XKR9: variants seen among roughly 807,000 people sequenced by gnomAD.
XKR9 encodes the protein XK-related protein 9.
Under a neutral mutation model 32.0 loss-of-function variants are expected in XKR9, and 32 were observed. The ratio of observed to expected loss-of-function variants is 1.00; its 90% CI spans 0.76 to 1.34. The LOEUF is 1.34. Ranked by LOEUF, XKR9 falls within the 40% of genes most tolerant of loss-of-function variation. The pLI is 0.00. For synonymous variants in XKR9, 168 were observed against 143.4 expected (o/e 1.17, Z -1.22); for missense variants, 546 against 429.7 (o/e 1.27, Z -2.39).
chr8:71,059,981 C>T, the XKR9 span, among the ~76,000 whole-genome samples: 1 of 152,248 alleles, frequency 6.6e-6, no homozygotes, highest in East Asian at 1.9e-4. Flanking sequence ...CAGTTCTTGC[C>T]TCCTCTGTGC....
the XKR9 span, among the ~76,000 whole-genome samples, chr8:70,930,452 C>A: frequency 6.6e-6 from 1 of 151,994 alleles, no homozygotes; most frequent in African/African-American, 2.4e-5. Context: ...CCACTCCATG[C>A]CTTAGCATAT....
chr8:70,748,619 G>A (rs934275076), intron 2 of XKR9, among the ~76,000 whole-genome samples: 8 of 152,198 alleles, frequency 5.3e-5, no homozygotes, highest in Non-Finnish European at 8.8e-5. Context: ...GAGCCTGGGC[G>A]CTGTGGATGG....
chr8:70,866,553 A>G, the XKR9 span, among the ~76,000 whole-genome samples: 4 of 152,198 alleles, frequency 2.6e-5, no homozygotes, highest in Admixed American at 6.5e-5. Flanking sequence ...AGATTAGTTC[A>G]GAGATTGGTA....
At chr8:70,672,304 A>G (rs543647938) in intron 1 of XKR9, among the ~76,000 whole-genome samples, 1 of 65,536 alleles carries the variant, frequency 1.5e-5, no homozygotes, top group African/African-American at 4.1e-5. Context: ...GCATCACACT[A>G]CCTGACTTCA....
the XKR9 span, among the ~76,000 whole-genome samples, chr8:70,974,204 C>T: frequency 1.6e-4 from 24 of 150,528 alleles, no homozygotes; most frequent in South Asian, 3.8e-3. Context: ...GGCTTTTTAT[C>T]ATTATATAGT....
At chr8:70,996,112 C>A in the XKR9 span, among the ~76,000 whole-genome samples, 2 of 152,286 alleles carry the variant, frequency 1.3e-5, no homozygotes, top group Non-Finnish European at 2.9e-5. Context: ...ATTAGACTAA[C>A]AAAAGACTAA....
At chr8:70,702,061 C>G (rs2132164481) in intron 3 of XKR9, among the ~76,000 whole-genome samples, 1 of 152,240 alleles carries the variant, frequency 6.6e-6, no homozygotes, top group African/African-American at 2.4e-5. Context: ...CCCACAGATT[C>G]TTAGGCCCTT....
chr8:70,692,583 T>A (rs904960711), intron 3 of XKR9, among the ~76,000 whole-genome samples: 2 of 121,562 alleles, frequency 1.6e-5, no homozygotes, highest in African/African-American at 5.3e-5. Flanking sequence ...ATTATTATTA[T>A]TCTTATTTTT....
chr8:70,846,936 A>G, the XKR9 span, among the ~76,000 whole-genome samples: 9 of 152,070 alleles, frequency 5.9e-5, no homozygotes, highest in African/African-American at 1.9e-4. Flanking sequence ...TCATCTAGAC[A>G]GAAAATCAAC....
At chr8:71,045,946 G>A in the XKR9 span, among the ~76,000 whole-genome samples, 2 of 152,050 alleles carry the variant, frequency 1.3e-5, no homozygotes, top group African/African-American at 2.4e-5. Flanking sequence ...GAGATGGATT[G>A]GGAGTTCACT....
chr8:70,907,435 C>A, the XKR9 span, among the ~76,000 whole-genome samples: 1 of 152,202 alleles, frequency 6.6e-6, no homozygotes, highest in East Asian at 1.9e-4. Context: ...GAAACTACAC[C>A]CATTGCTATG....
chr8:70,814,526 G>A, the XKR9 span, among the ~76,000 whole-genome samples: 1 of 151,154 alleles, frequency 6.6e-6, no homozygotes. Flanking sequence ...AATAGACGTC[G>A]AAGAAACATT....
chr8:70,746,389 A>G (rs1419011941), intron 2 of XKR9, among the ~76,000 whole-genome samples: 1 of 147,582 alleles, frequency 6.8e-6, no homozygotes, highest in East Asian at 1.9e-4. Flanking sequence ...AAATATAATT[A>G]TATACAAAAC....
the XKR9 span, among the ~76,000 whole-genome samples, chr8:70,923,443 ACTCTGGAT>A: frequency 6.6e-6 from 1 of 152,116 alleles, no homozygotes; most frequent in South Asian, 2.1e-4. Context: ...CCTTGATGTT[ACTCTGGAT>A]CCCTGTCTCA....
the XKR9 span, among the ~76,000 whole-genome samples, chr8:70,874,274 G>T: frequency 2.0e-5 from 3 of 152,032 alleles, no homozygotes; most frequent in African/African-American, 2.4e-5. Flanking sequence ...ATATACATCA[G>T]TAAATAACGT....
At chr8:70,740,256 G>C (rs188080562), downstream of XKR9, among the ~76,000 whole-genome samples, 638 of 152,036 alleles carry the variant, frequency 4.2e-3, 4 homozygotes, top group African/African-American at 0.015. Context: ...CCAGTTGATC[G>C]CATTGGCTCC....
chr8:70,995,739 T>C, the XKR9 span, among the ~76,000 whole-genome samples: 1 of 152,192 alleles, frequency 6.6e-6, no homozygotes, highest in South Asian at 2.1e-4. Context: ...TGGCCTCAAA[T>C]TCTTGGGTTC....
At chr8:70,762,590 T>C (rs1196318115) in intron 2 of XKR9, among the ~76,000 whole-genome samples, 1 of 152,222 alleles carries the variant, frequency 6.6e-6, no homozygotes, top group Non-Finnish European at 1.5e-5. Context: ...CCTGCATCCA[T>C]GGAATTTATT....
chr8:70,888,600 T>C, the XKR9 span, among the ~76,000 whole-genome samples: 2 of 152,106 alleles, frequency 1.3e-5, no homozygotes, highest in Non-Finnish European at 2.9e-5. Context: ...TTCATGTAAG[T>C]CTTTCATCCA....
Sources: gnomAD v4.1 joint callset for allele counts (sites outside exome capture counted in the v4.1 genomes callset) on GRCh38, gnomAD v4.1.1 for gene constraint, MANE v1.5 for transcripts, NCBI Gene and HGNC (gene_info 2026-07-23, HGNC 2026-07-21) for gene names.